The following ADD2 variants were observed in gnomAD, a reference collection of about 807,000 sequenced individuals.
ADD2 encodes beta-adducin.
A neutral mutation model predicts 83.0 loss-of-function variants in ADD2; 23 were observed. The observed-to-expected ratio is 0.28, with a 90% confidence interval of 0.20 to 0.39. The LOEUF is 0.39. Among genes scored for constraint, ADD2 ranks in the 10% least tolerant of loss-of-function variants. The pLI is 1.00. For synonymous variants in ADD2, 375 were observed against 375.4 expected (o/e 1.00, Z 0.01); for missense variants, 758 against 944.9 (o/e 0.80, Z 2.59).
intron 1 of ADD2, among the ~76,000 whole-genome samples, chr2:70,722,643 C>A (rs1379341687): frequency 1.3e-5 from 2 of 152,210 alleles, no homozygotes; most frequent in Non-Finnish European, 2.9e-5. Context: ...GTCCTGAGAG[C>A]TACAACAAGG....
At chr2:70,704,263 T>TGGGGCCCCCCCCCCCCC in intron 4 of ADD2, 58 bp downstream of exon 4, 1 of 913,236 alleles carries the variant, frequency 1.1e-6, no homozygotes. Context: ...CTCCCTCTCT[T>TGGGGCCCCCCCCCCCCC]CCCCACCCCA....
intron 14 of ADD2, among the ~76,000 whole-genome samples, chr2:70,673,522 A>G (rs1669995282): frequency 6.6e-6 from 1 of 152,236 alleles, no homozygotes; most frequent in Non-Finnish European, 1.5e-5. Flanking sequence ...CCTAGGGATA[A>G]AAAGTGCCAT....
chr2:70,724,870 G>T (rs2104449066), intron 1 of ADD2, among the ~76,000 whole-genome samples: 1 of 152,320 alleles, frequency 6.6e-6, no homozygotes, highest in South Asian at 2.1e-4. Flanking sequence ...ACTGTATCAA[G>T]ATATTTTTGA....
At chr2:70,664,527 A>C (rs1675678910) in intron 15 of ADD2, among the ~76,000 whole-genome samples, 1 of 152,236 alleles carries the variant, frequency 6.6e-6, no homozygotes, top group African/African-American at 2.4e-5. Context: ...GGGAGATTGT[A>C]AAACCACAGA....
intron 1 of ADD2, among the ~76,000 whole-genome samples, chr2:70,748,722 T>C (rs1394067910): frequency 6.6e-6 from 1 of 152,222 alleles, no homozygotes; most frequent in Non-Finnish European, 1.5e-5. Context: ...GCATTGCTTC[T>C]ACAATGCATT....
chr2:70,675,981 G>C, intron 13 of ADD2: 2 of 985,440 alleles, frequency 2.0e-6, no homozygotes, highest in Non-Finnish European at 2.4e-6. Context: ...TTGGGGGGAG[G>C]TAAGTGTGAT....
intron 15 of ADD2, among the ~76,000 whole-genome samples, chr2:70,667,207 G>C (rs1193004349): frequency 2.6e-5 from 4 of 152,058 alleles, no homozygotes; most frequent in African/African-American, 9.7e-5. Flanking sequence ...GGGATATTGT[G>C]GGGGTGAGTA....
At chr2:70,766,630 A>G (rs920877128) in intron 1 of ADD2, among the ~76,000 whole-genome samples, 1 of 152,232 alleles carries the variant, frequency 6.6e-6, no homozygotes, top group African/African-American at 2.4e-5. Context: ...CACAAGTTAA[A>G]CATCTCAGGA....
At chr2:70,710,410 C>T (rs1207772178) in intron 2 of ADD2, among the ~76,000 whole-genome samples, 1 of 152,234 alleles carries the variant, frequency 6.6e-6, no homozygotes, top group Non-Finnish European at 1.5e-5. Flanking sequence ...AAGCTCTGGG[C>T]CTGATGGACA....
In ADD2 at chr2:70,704,201, C is replaced by T. The variant is rs1205382055; in HGVS notation, c.322+120G>A. On this transcript the variant is annotated intron_variant, in intron 4 of 15. Coordinates refer to ENST00000264436, the MANE Select transcript of ADD2 (RefSeq NM_001617.4). Reference sequence around the variant, plus strand: ...TGCTGAGCTCCCCAAGGCCTGATAACACAATGGGCTGCTTACTCCATAGCC... The same window carrying T: ...TGCTGAGCTCCCCAAGGCCTGATAATACAATGGGCTGCTTACTCCATAGCC... 29 of 1,360,168 alleles carry T rather than the reference C, an allele frequency of 2.1e-5. No homozygotes were observed. The East Asian group carries it at 6.9e-4, about 32-fold the overall frequency. The allele number at this position is 1,360,168 out of a possible 1,614,324, so 84.3% of individuals were successfully genotyped here. A position where few individuals can be genotyped will look rare whatever the true frequency, so the allele number is the denominator to read the frequency against.
At position 70,676,229 on chromosome 2, in the gene ADD2, A is replaced by C; in HGVS notation, c.1593+567T>G. 2.0e-6 allele frequency: 2 copies of C among 986,942 alleles called. No homozygotes were observed. Among genetic ancestry groups the C allele is most frequent in the Non-Finnish European group, 2.4e-6 (2 of 831,038 alleles). The allele number at this position is 986,942 out of a possible 1,614,324, so 61.1% of individuals were successfully genotyped here. Reference sequence around the variant, plus strand: ...CCTTTTGCTAAGCACTAGACAAAACACTGTTCTATCTCAAGCACAAAAACA... The same window carrying C: ...CCTTTTGCTAAGCACTAGACAAAACCCTGTTCTATCTCAAGCACAAAAACA... On this transcript the variant is annotated intron_variant, in intron 13 of 15. Transcript: ENST00000264436. The surrounding 1 kb of genome is among the most constrained non-coding windows in gnomAD (Gnocchi z 4.8).
chr2:70,714,259 A>G (rs1327686932), intron 1 of ADD2, among the ~76,000 whole-genome samples: 3 of 152,160 alleles, frequency 2.0e-5, no homozygotes, highest in Non-Finnish European at 4.4e-5. Context: ...TGTCTCACCC[A>G]GGGCTGGCAG....
chr2:70,678,567 G>A, intron 11 of ADD2, 137 bp downstream of exon 11: 2 of 1,272,548 alleles, frequency 1.6e-6, no homozygotes, highest in Non-Finnish European at 1.1e-6. Flanking sequence ...TGCTCCCAGA[G>A]GCCTAATAGG....
intron 9 of ADD2, among the ~76,000 whole-genome samples, 172 bp downstream of exon 9, chr2:70,687,852 G>A (rs75557232): frequency 0.012 from 1,847 of 152,298 alleles, 14 homozygotes; most frequent in Non-Finnish European, 0.022. Context: ...CTAATCCTAA[G>A]TGTGAAACTT....
At chr2:70,721,447 C>T (rs1465356562) in intron 1 of ADD2, among the ~76,000 whole-genome samples, 2 of 152,202 alleles carry the variant, frequency 1.3e-5, no homozygotes, top group Non-Finnish European at 2.9e-5. Flanking sequence ...TCTTCTGGTT[C>T]CTACAGCAGG....
intron 4 of ADD2, among the ~76,000 whole-genome samples, chr2:70,700,354 T>C (rs551686678): frequency 1.0e-3 from 159 of 152,178 alleles, no homozygotes; most frequent in African/African-American, 3.0e-3. Context: ...AGATAGCTCT[T>C]AGAAGAAAAA....
intron 15 of ADD2, among the ~76,000 whole-genome samples, chr2:70,664,442 C>T (rs1558514704): frequency 1.3e-5 from 2 of 152,230 alleles, no homozygotes; most frequent in African/African-American, 4.8e-5. Context: ...TCCTGCCACC[C>T]TTTCTCCCCC....
intron 8 of ADD2, among the ~76,000 whole-genome samples, chr2:70,688,443 G>A (rs1391568136): frequency 2.0e-5 from 3 of 152,244 alleles, no homozygotes; most frequent in Non-Finnish European, 4.4e-5. Context: ...TAAATAGCTT[G>A]GTCAATTTCT....
Position 70,768,002 on chromosome 2 carries a change from C to G in ADD2, c.-270G>C, listed in dbSNP as rs1203128551. 3 of 1,523,508 alleles carry G rather than the reference C, an allele frequency of 2.0e-6. No individual in the cohort carries two copies. Among genetic ancestry groups the G allele is most frequent in the Admixed American group, 4.0e-5 (2 of 50,558 alleles). 94.4% of individuals were successfully genotyped at this position (1,523,508 alleles called of 1,614,324 possible). ...TCCACCCAGCTAATCTGCAGGGCAG[C>G]GTTTTCTGCCCATGCTGCAGCCCGC... On this transcript the variant is annotated 5_prime_UTR_variant, in exon 1 of 16. Transcript: ENST00000264436.
Sources: allele counts gnomAD v4.1 joint callset (sites outside exome capture counted in the v4.1 genomes callset), GRCh38; gene constraint gnomAD v4.1.1; non-coding constraint Gnocchi (gnomAD v3.1); transcripts MANE v1.5; gene names NCBI Gene and HGNC (gene_info 2026-07-23, HGNC 2026-07-21).